IMMP2L: variants seen among roughly 807,000 people sequenced by gnomAD.
IMMP2L encodes the protein mitochondrial inner membrane protease subunit 2.
Under a neutral mutation model 19.3 loss-of-function variants are expected in IMMP2L, and 18 were observed. The observed-to-expected ratio is 0.93, with a 90% CI of 0.64 to 1.38. The LOEUF is 1.38. IMMP2L is among the 40% of genes most tolerant of loss of function. The pLI, the probability that IMMP2L is intolerant of heterozygous loss-of-function variation, is 0.00. For synonymous variants in IMMP2L, 76 were observed against 73.0 expected (o/e 1.04, Z -0.21); for missense variants, 233 against 218.2 (o/e 1.07, Z -0.43).
At chr7:110,733,829 T>TCA (rs1308798350) in intron 5 of IMMP2L, among the ~76,000 whole-genome samples, 2 of 152,084 alleles carry the variant, frequency 1.3e-5, no homozygotes, top group Non-Finnish European at 2.9e-5. Context: ...GGCAATGCAT[T>TCA]CATCCATTCC....
intron 3 of IMMP2L, among the ~76,000 whole-genome samples, chr7:111,157,699 T>C (rs1353033498): frequency 6.6e-6 from 1 of 152,186 alleles, no homozygotes; most frequent in Non-Finnish European, 1.5e-5. Context: ...CAATAATTTA[T>C]TGTACATTTA....
intron 3 of IMMP2L, among the ~76,000 whole-genome samples, chr7:111,034,371 T>A (rs142684433): frequency 6.6e-6 from 1 of 152,124 alleles, no homozygotes; most frequent in Non-Finnish European, 1.5e-5. Flanking sequence ...CAGAATTTTA[T>A]AGGCATAGGG....
At chr7:110,855,303 C>A (rs1806647347) in intron 5 of IMMP2L, among the ~76,000 whole-genome samples, 1 of 151,978 alleles carries the variant, frequency 6.6e-6, no homozygotes, top group Non-Finnish European at 1.5e-5. Flanking sequence ...ACACTTCTAT[C>A]TTTTCTGTAT....
At chr7:110,972,785 T>G (rs1585525472) in intron 3 of IMMP2L, among the ~76,000 whole-genome samples, 1 of 152,048 alleles carries the variant, frequency 6.6e-6, no homozygotes, top group East Asian at 1.9e-4. Context: ...GAGAGAGTGC[T>G]GCCTATGGAT....
At chr7:111,216,123 C>T (rs551483568) in intron 3 of IMMP2L, among the ~76,000 whole-genome samples, 25 of 152,188 alleles carry the variant, frequency 1.6e-4, no homozygotes, top group African/African-American at 5.3e-4. Flanking sequence ...GATACCTCAC[C>T]GTAATTATCT....
At chr7:111,171,543 A>G (rs1480990037) in intron 3 of IMMP2L, among the ~76,000 whole-genome samples, 6 of 151,676 alleles carry the variant, frequency 4.0e-5, no homozygotes, top group Admixed American at 1.3e-4. Flanking sequence ...TTTTGCCTCA[A>G]AAGAAAACAT....
intron 3 of IMMP2L, among the ~76,000 whole-genome samples, chr7:111,342,456 G>A (rs969248184): frequency 1.3e-5 from 2 of 151,912 alleles, no homozygotes; most frequent in Non-Finnish European, 2.9e-5. Context: ...GCTGGGCGTG[G>A]TGGCACGTGC....
chr7:110,977,057 G>T (rs147059545), intron 3 of IMMP2L, among the ~76,000 whole-genome samples: 131 of 151,992 alleles, frequency 8.6e-4, no homozygotes, highest in African/African-American at 3.1e-3. Flanking sequence ...AACCTCCTCG[G>T]ATCAGGCAAA....
chr7:111,356,156 G>A (rs1490501494), intron 3 of IMMP2L, among the ~76,000 whole-genome samples: 1 of 151,756 alleles, frequency 6.6e-6, no homozygotes, highest in Non-Finnish European at 1.5e-5. Context: ...CTATAAAGTA[G>A]ATTAACAGAC....
intron 3 of IMMP2L, among the ~76,000 whole-genome samples, chr7:111,466,504 C>A (rs554787660): frequency 6.6e-6 from 1 of 152,104 alleles, no homozygotes; most frequent in Non-Finnish European, 1.5e-5. Context: ...CCTTACTTGG[C>A]TTAGCAGAAA....
intron 3 of IMMP2L, among the ~76,000 whole-genome samples, chr7:111,276,824 C>G (rs887525996): frequency 1.3e-5 from 2 of 152,022 alleles, no homozygotes; most frequent in Non-Finnish European, 2.9e-5. Flanking sequence ...ATACCTACAA[C>G]CAGCTGATTT....
intron 5 of IMMP2L, among the ~76,000 whole-genome samples, chr7:110,693,066 G>T (rs754164905): frequency 1.3e-5 from 2 of 152,124 alleles, no homozygotes; most frequent in Non-Finnish European, 2.9e-5. Flanking sequence ...AGATCAACTG[G>T]TTAAGTGCAT....
At chr7:111,233,824 T>C (rs1453438864) in intron 3 of IMMP2L, among the ~76,000 whole-genome samples, 1 of 152,010 alleles carries the variant, frequency 6.6e-6, no homozygotes, top group Non-Finnish European at 1.5e-5. Context: ...TATATACCTT[T>C]ACCAAACAAT....
At chr7:111,078,807 T>A (rs1029662434) in intron 3 of IMMP2L, among the ~76,000 whole-genome samples, 1 of 152,180 alleles carries the variant, frequency 6.6e-6, no homozygotes, top group Non-Finnish European at 1.5e-5. Flanking sequence ...CTCAGCTCAC[T>A]GCAACCTCCA....
At chr7:111,438,519 T>C (rs1340822626) in intron 3 of IMMP2L, among the ~76,000 whole-genome samples, 7 of 151,996 alleles carry the variant, frequency 4.6e-5, no homozygotes, top group African/African-American at 1.7e-4. Context: ...TTAATCAAAG[T>C]TAAATGCTAG....
intron 4 of IMMP2L, among the ~76,000 whole-genome samples, chr7:110,942,851 T>C (rs1037562672): frequency 1.3e-5 from 2 of 152,004 alleles, no homozygotes; most frequent in Non-Finnish European, 2.9e-5. Context: ...CTGCTATAGA[T>C]ATCCAGCACC....
At chr7:111,072,940 T>TCTGA (rs1795086967) in intron 3 of IMMP2L, among the ~76,000 whole-genome samples, 1 of 149,080 alleles carries the variant, frequency 6.7e-6, no homozygotes, top group African/African-American at 2.5e-5. Flanking sequence ...AGACATGACA[T>TCTGA]CTGACAGTAA....
At chr7:111,365,514 A>G (rs537443408) in intron 3 of IMMP2L, among the ~76,000 whole-genome samples, 1 of 152,264 alleles carries the variant, frequency 6.6e-6, no homozygotes, top group East Asian at 1.9e-4. Context: ...ACTATAAATA[A>G]GGCAACAAGA....
chr7:111,300,632 C>T (rs975546567), intron 3 of IMMP2L, among the ~76,000 whole-genome samples: 3 of 152,152 alleles, frequency 2.0e-5, no homozygotes, highest in Non-Finnish European at 4.4e-5. Flanking sequence ...CCATCCCCAA[C>T]TCCAAGTCCT....
Sources: allele counts gnomAD v4.1 joint callset (sites outside exome capture counted in the v4.1 genomes callset), GRCh38; gene constraint gnomAD v4.1.1; transcripts MANE v1.5; gene names NCBI Gene and HGNC (gene_info 2026-07-23, HGNC 2026-07-21).